BCL2: variants seen among roughly 807,000 people sequenced by gnomAD.
The protein encoded by BCL2 is BCL2 apoptosis regulator, also known as apoptosis regulator Bcl-2.
In BCL2, 1 loss-of-function variant was observed where a neutral mutation model predicts 14.2. The observed-to-expected ratio is 0.07, with a 90% confidence interval of 0.02 to 0.33. BCL2 has a LOEUF of 0.33. Ranked by LOEUF, BCL2 falls within the 10% of genes least tolerant of loss-of-function variation. BCL2 has a pLI of 0.99. For missense variants in BCL2, 247 were observed against 305.9 expected, an observed-to-expected ratio of 0.81 and a Z score of 1.44; for synonymous variants, 151 against 137.2, an observed-to-expected ratio of 1.10 and a Z score of -0.70.
chr18:63,195,572 G>A (rs1289397832), intron 2 of BCL2, among the ~76,000 whole-genome samples: 7 of 152,126 alleles, frequency 4.6e-5, no homozygotes, highest in Admixed American at 1.3e-4. Context: ...GACCTGGAGA[G>A]GACCACTTGG....
chr18:63,223,686 T>G (rs1910467774), intron 2 of BCL2, among the ~76,000 whole-genome samples: 1 of 152,080 alleles, frequency 6.6e-6, no homozygotes, highest in Non-Finnish European at 1.5e-5. Flanking sequence ...TGGAAGAGTG[T>G]TCTCTGGAGA....
chr18:63,187,985 C>T (rs1431203234), intron 2 of BCL2, among the ~76,000 whole-genome samples: 1 of 152,062 alleles, frequency 6.6e-6, no homozygotes, highest in Non-Finnish European at 1.5e-5. Context: ...ATAGGGCTGG[C>T]GTTCAGACCA....
intron 2 of BCL2, among the ~76,000 whole-genome samples, chr18:63,303,155 T>C (rs1913017464): frequency 6.6e-6 from 1 of 152,146 alleles, no homozygotes; most frequent in African/African-American, 2.4e-5. Flanking sequence ...CCCACCTTTT[T>C]ATTAAGGTAT....
chr18:63,300,474 G>C (rs1273302488), intron 2 of BCL2, among the ~76,000 whole-genome samples: 4 of 151,734 alleles, frequency 2.6e-5, no homozygotes, highest in Non-Finnish European at 5.9e-5. Context: ...CTCTGTGTGT[G>C]TGTGTGTGTG....
intron 2 of BCL2, among the ~76,000 whole-genome samples, chr18:63,204,041 C>G (rs1256478402): frequency 6.6e-6 from 1 of 152,132 alleles, no homozygotes; most frequent in Non-Finnish European, 1.5e-5. Context: ...AGAAACAGCA[C>G]CACAGAAATA....
chr18:63,132,995 G>A (rs1321064683), intron 2 of BCL2, among the ~76,000 whole-genome samples: 2 of 152,162 alleles, frequency 1.3e-5, no homozygotes, highest in Non-Finnish European at 2.9e-5. Context: ...GGCTGGCACC[G>A]GCTCCTCCTA....
At chr18:63,223,693 G>A (rs1484898147) in intron 2 of BCL2, among the ~76,000 whole-genome samples, 1 of 152,142 alleles carries the variant, frequency 6.6e-6, no homozygotes, top group African/African-American at 2.4e-5. Flanking sequence ...GTGTTCTCTG[G>A]AGAATCTGAC....
At chr18:63,266,637 T>TCTCTCTCTCTCTCTCACACA (rs1491465885) in intron 2 of BCL2, among the ~76,000 whole-genome samples, 3 of 86,010 alleles carry the variant, frequency 3.5e-5, no homozygotes, top group East Asian at 8.1e-4. Flanking sequence ...TCTCTCTCTC[T>TCTCTCTCTCTCTCTCACACA]CACACACACA....
chr18:63,213,995 C>G (rs557912310), intron 2 of BCL2, among the ~76,000 whole-genome samples: 4 of 152,284 alleles, frequency 2.6e-5, no homozygotes, highest in African/African-American at 9.6e-5. Flanking sequence ...TAGGGATGAA[C>G]AGAGCTAAGA....
chr18:63,229,420 G>A (rs1243886863), intron 2 of BCL2, among the ~76,000 whole-genome samples: 5 of 152,138 alleles, frequency 3.3e-5, no homozygotes, highest in East Asian at 3.9e-4. Context: ...TTGTCCCCCC[G>A]AATCTCATAT....
chr18:63,286,929 G>T (rs4987720), intron 2 of BCL2, among the ~76,000 whole-genome samples: 1 of 152,068 alleles, frequency 6.6e-6, no homozygotes, highest in Non-Finnish European at 1.5e-5. Context: ...CCTACAACAC[G>T]GGTCTGAACT....
chr18:63,313,564 C>T (rs1309348807), intron 2 of BCL2, among the ~76,000 whole-genome samples: 1 of 152,216 alleles, frequency 6.6e-6, no homozygotes, highest in Non-Finnish European at 1.5e-5. Flanking sequence ...AAACGTTCTA[C>T]TTGTACACTA....
At chr18:63,259,105 G>C (rs79294335) in intron 2 of BCL2, among the ~76,000 whole-genome samples, 2,033 of 152,086 alleles carry the variant, frequency 0.013, 50 homozygotes, top group African/African-American at 0.047. Context: ...TGTGGTGCAG[G>C]CTGTGACTTC....
intron 2 of BCL2, among the ~76,000 whole-genome samples, chr18:63,301,134 C>T (rs766512999): frequency 1.3e-4 from 20 of 152,226 alleles, no homozygotes; most frequent in Non-Finnish European, 2.8e-4. Context: ...TTGTCTGATT[C>T]CACTTATGGG....
intron 2 of BCL2, among the ~76,000 whole-genome samples, chr18:63,203,112 T>G (rs1323774005): frequency 6.6e-6 from 1 of 152,212 alleles, no homozygotes; most frequent in African/African-American, 2.4e-5. Context: ...GTGGGTGGTT[T>G]GTATGTGAGG....
chr18:63,150,653 C>T (rs1274982428), intron 2 of BCL2, among the ~76,000 whole-genome samples: 2 of 152,200 alleles, frequency 1.3e-5, no homozygotes, highest in Non-Finnish European at 2.9e-5. Context: ...TTAGACTCTG[C>T]TCAGCCTTCC....
At chr18:63,269,066 A>G (rs1434041978) in intron 2 of BCL2, among the ~76,000 whole-genome samples, 2 of 151,910 alleles carry the variant, frequency 1.3e-5, no homozygotes, top group African/African-American at 4.8e-5. Context: ...TTCCTGAGTC[A>G]GCCTCCCAAG....
intron 2 of BCL2, among the ~76,000 whole-genome samples, chr18:63,286,205 C>G (rs893193067): frequency 2.6e-5 from 4 of 152,186 alleles, no homozygotes; most frequent in South Asian, 2.1e-4. Flanking sequence ...AAAAGAAATG[C>G]CTTAACACTT....
At chr18:63,263,990 G>A (rs1193013946) in intron 2 of BCL2, among the ~76,000 whole-genome samples, 1 of 152,168 alleles carries the variant, frequency 6.6e-6, no homozygotes, top group Non-Finnish European at 1.5e-5. Context: ...GGCTGGTCAC[G>A]AACGTCTGAC....
Sources: gnomAD v4.1 joint callset for allele counts (sites outside exome capture counted in the v4.1 genomes callset) on GRCh38, gnomAD v4.1.1 for gene constraint, MANE v1.5 for transcripts, NCBI Gene and HGNC (gene_info 2026-07-23, HGNC 2026-07-21) for gene names.